COLGALT2: variants seen among roughly 807,000 people sequenced by gnomAD.
COLGALT2 encodes procollagen galactosyltransferase 2.
A neutral mutation model predicts 73.4 loss-of-function variants in COLGALT2; 49 were observed. That is an observed-to-expected ratio of 0.67 (90% CI 0.53 to 0.85). The LOEUF is 0.85. Ranked by LOEUF, COLGALT2 falls within the 40% of genes least tolerant of loss-of-function variation. The pLI, the probability that COLGALT2 is intolerant of heterozygous loss-of-function variation, is 0.00. For missense variants in COLGALT2, 722 were observed against 790.2 expected, an observed-to-expected ratio of 0.91 and a Z score of 1.03; for synonymous variants, 295 against 307.6, an observed-to-expected ratio of 0.96 and a Z score of 0.43.
At chr1:184,026,799 T>C (rs1056479637) in intron 1 of COLGALT2, among the ~76,000 whole-genome samples, 4 of 152,182 alleles carry the variant, frequency 2.6e-5, no homozygotes, top group African/African-American at 9.7e-5. Flanking sequence ...GATTAGGGTA[T>C]ATAAGGACTG....
chr1:183,929,906 G>T, exon 12 of COLGALT2: 1 of 238,788 alleles, frequency 4.2e-6, no homozygotes, highest in Non-Finnish European at 8.5e-6. Flanking sequence ...ACAGTGTAAT[G>T]CAAGCCAGGA....
intron 1 of COLGALT2, among the ~76,000 whole-genome samples, chr1:184,023,781 A>G (rs1478103516): frequency 6.6e-6 from 1 of 152,180 alleles, no homozygotes. Flanking sequence ...TAGTGGAGTC[A>G]ACAGCAATAG....
rs369515059 is a variant in COLGALT2, at chr1:183,969,280, C to T, written c.821G>A (p.Ser274Asn). 6.2e-6 allele frequency: 10 copies of T among 1,611,314 alleles called. No individual in the cohort carries two copies. Among genetic ancestry groups the T allele is most frequent in the Non-Finnish European group, 8.5e-6 (10 of 1,178,714 alleles). ...FDDIIVFAFS[S>N]RQAGIQMYLC... ...AAGACAAACAGTACCTGCTTGCCTGCTGGAGAAGGCAAAGACAATGATGTC... is the reference window on the plus strand; with the variant it reads ...AAGACAAACAGTACCTGCTTGCCTGTTGGAGAAGGCAAAGACAATGATGTC... Residue 274 changes from serine (S) to asparagine (N), a missense_variant, in exon 5 of 12, where the codon AGC becomes AAC. Physicochemically the swap from Ser to Asn is conservative, Grantham distance 46 (BLOSUM62 1). Coordinates refer to ENST00000361927, the MANE Select transcript of COLGALT2 (RefSeq NM_015101.4).
intron 8 of COLGALT2, among the ~76,000 whole-genome samples, chr1:183,950,530 T>C (rs992461266): frequency 2.0e-5 from 3 of 151,256 alleles, no homozygotes; most frequent in Admixed American, 2.0e-4. Context: ...TTTCCTGCCA[T>C]ATTTCCAGGA....
At position 183,937,574 on chromosome 1, in the gene COLGALT2, T is replaced by C. The variant is rs1461706594; in HGVS notation, c.*1187A>G. 5 of 985,386 alleles carry C rather than the reference T, an allele frequency of 5.1e-6. No homozygotes were observed. In the South Asian group the frequency reaches 1.9e-4, roughly 37 times the overall value. The allele number at this position is 985,386 out of a possible 1,614,324, so 61.0% of individuals were successfully genotyped here. ...GTTTCTCACCTGAGATAGAGAATCA[T>C]TTGTTTCCAAATAGTTCAAATCCCC... is the stretch of plus-strand genomic sequence containing the variant. On this transcript the variant is annotated 3_prime_UTR_variant, in exon 12 of 12. Coordinates refer to ENST00000361927, the MANE Select transcript of COLGALT2 (RefSeq NM_015101.4).
At chr1:184,032,304 G>A (rs1649538243) in intron 1 of COLGALT2, among the ~76,000 whole-genome samples, 1 of 152,164 alleles carries the variant, frequency 6.6e-6, no homozygotes, top group Non-Finnish European at 1.5e-5. Flanking sequence ...TAAAGGTAAA[G>A]GAGATAGGAG....
chr1:184,037,075 C>CG lies in COLGALT2; in HGVS notation c.263+19dup. ...GCCCCCGCGTCCCGCCGCGGCGGCC[C>CG]GGGGCCCGTGCGCGCTCACCAGATG... On this transcript the variant is annotated intron_variant, in intron 1 of 11. Transcript: ENST00000361927. 6.5e-7 allele frequency: 1 copy of CG among 1,531,608 alleles called. No individual in the cohort carries two copies. Among genetic ancestry groups the CG allele is most frequent in the Non-Finnish European group, 8.7e-7 (1 of 1,146,518 alleles). The allele number at this position is 1,531,608 out of a possible 1,614,324, so 94.9% of individuals were successfully genotyped here.
At position 184,037,636 on chromosome 1, in the gene COLGALT2, G is replaced by A; in HGVS notation, c.-279C>T. 1 of 1,050,594 alleles carries A rather than the reference G, an allele frequency of 9.5e-7. No homozygotes were observed. The highest frequency in any genetic ancestry group is 1.1e-6 in the Non-Finnish European group (1 of 873,034). 65.1% of individuals were successfully genotyped at this position (1,050,594 alleles called of 1,614,324 possible). ...GGCTCGCAGACAGTAGTGGCCGAGG[G>A]GCTGTGTGCCCTGAGTCCTGAGGAA... is the stretch of plus-strand genomic sequence containing the variant. On this transcript the variant is annotated 5_prime_UTR_variant, in exon 1 of 12. Transcript: ENST00000361927.
chr1:183,957,778 GTTTTT>G (rs367921171), intron 6 of COLGALT2, among the ~76,000 whole-genome samples: 1 of 118,920 alleles, frequency 8.4e-6, no homozygotes, highest in East Asian at 2.4e-4. Flanking sequence ...TTTTGTGGTG[GTTTTT>G]TTTTTTTTTT....
intron 1 of COLGALT2, among the ~76,000 whole-genome samples, chr1:183,995,425 G>A (rs1312957157): frequency 1.3e-5 from 2 of 152,176 alleles, no homozygotes; most frequent in East Asian, 3.8e-4. Context: ...TACAACAAAC[G>A]TGTCAAACTC....
At position 183,994,026 on chromosome 1, in the gene COLGALT2, C is replaced by CTTTT. The variant is rs869129633; in HGVS notation, c.264-15510_264-15507dup. ...GTCACACTCATTTTCTCTTGTAATT[C>CTTTT]TTTTTTTTTTTTTTTTTTTTTTTTT... On this transcript the variant is annotated intron_variant, in intron 1 of 11. Transcript: ENST00000361927. 1.1e-3 allele frequency among the ~76,000 whole-genome samples: 78 copies of CTTTT among 70,052 alleles called. 1 individual carries two copies. The highest frequency in any genetic ancestry group is 1.8e-3 in the Non-Finnish European group (66 of 37,160). The allele number at this position is 70,052 out of a possible 152,430, so 46.0% of individuals were successfully genotyped here.
At chr1:183,966,966 G>A (rs1023533122) in intron 5 of COLGALT2, among the ~76,000 whole-genome samples, 8 of 152,180 alleles carry the variant, frequency 5.3e-5, no homozygotes, top group African/African-American at 1.9e-4. Context: ...GGACATAGAT[G>A]ATACACAGCT....
chr1:183,934,598 ATTAT>A (rs1419851195), downstream of COLGALT2, among the ~76,000 whole-genome samples: 2 of 152,178 alleles, frequency 1.3e-5, no homozygotes, highest in African/African-American at 4.8e-5. Flanking sequence ...TTACTTTGTC[ATTAT>A]TTAACTCCTT....
intron 1 of COLGALT2, among the ~76,000 whole-genome samples, chr1:184,015,795 G>A (rs576124261): frequency 4.6e-5 from 7 of 152,332 alleles, no homozygotes; most frequent in African/African-American, 1.7e-4. Context: ...ACACCTTGTG[G>A]TGTAGAGAAT....
intron 1 of COLGALT2, among the ~76,000 whole-genome samples, chr1:183,981,007 A>T (rs1006712955): frequency 2.0e-5 from 3 of 152,170 alleles, no homozygotes; most frequent in Non-Finnish European, 4.4e-5. Flanking sequence ...TTTAATAACC[A>T]CACAGAATAC....
intron 4 of COLGALT2, among the ~76,000 whole-genome samples, chr1:183,972,898 A>C (rs1290227451): frequency 6.6e-6 from 1 of 152,022 alleles, no homozygotes; most frequent in East Asian, 1.9e-4. Flanking sequence ...ATGAGGTTTC[A>C]CCATGTTAGC....
At chr1:183,996,879 G>A (rs1427353602) in intron 1 of COLGALT2, among the ~76,000 whole-genome samples, 3 of 152,216 alleles carry the variant, frequency 2.0e-5, no homozygotes, top group African/African-American at 7.2e-5. Context: ...TGCCACTCAG[G>A]CAATCAAAAT....
chr1:183,994,204 A>T (rs1001168898), intron 1 of COLGALT2, among the ~76,000 whole-genome samples: 1 of 150,832 alleles, frequency 6.6e-6, no homozygotes, highest in Non-Finnish European at 1.5e-5. Flanking sequence ...ACACTCTACT[A>T]ATTTTTTGTA....
chr1:183,956,561 C>A (rs1670560556), intron 6 of COLGALT2, among the ~76,000 whole-genome samples: 1 of 152,170 alleles, frequency 6.6e-6, no homozygotes, highest in East Asian at 1.9e-4. Flanking sequence ...GTCTCACTCT[C>A]CCTCCTGGGG....
Sources: gnomAD v4.1 joint callset for allele counts (sites outside exome capture counted in the v4.1 genomes callset) on GRCh38, gnomAD v4.1.1 for gene constraint, MANE v1.5 for transcripts, NCBI Gene and HGNC (gene_info 2026-07-23, HGNC 2026-07-21) for gene names.